Variants in THEMIS observed in about 807,000 individuals in gnomAD.
THEMIS encodes the protein thymocyte selection associated, also known as protein THEMIS.
A neutral mutation model predicts 52.6 loss-of-function variants in THEMIS; 37 were observed. The ratio of observed to expected loss-of-function variants is 0.70; its 90% CI spans 0.54 to 0.93. The LOEUF is 0.93. THEMIS is among the 40% of genes least tolerant of loss of function. THEMIS has a pLI of 0.00. For synonymous variants in THEMIS, 292 were observed against 272.7 expected, an observed-to-expected ratio of 1.07 and a Z score of -0.70; for missense variants, 808 against 763.1, an observed-to-expected ratio of 1.06 and a Z score of -0.69.
chr6:127,806,374 G>A (rs1255660941), intron 4 of THEMIS, among the ~76,000 whole-genome samples: 21 of 152,000 alleles, frequency 1.4e-4, no homozygotes, highest in Admixed American at 9.2e-4. Flanking sequence ...CATATTTGGT[G>A]GTATTTTTGT....
chr6:127,798,985 C>A (rs1351283764), intron 4 of THEMIS, among the ~76,000 whole-genome samples: 4 of 137,624 alleles, frequency 2.9e-5, no homozygotes, highest in African/African-American at 1.1e-4. Flanking sequence ...GAGCGAGACT[C>A]CGTCTCAAAA....
intron 2 of THEMIS, among the ~76,000 whole-genome samples, chr6:127,845,930 C>G (rs768915703): frequency 2.6e-5 from 4 of 151,894 alleles, no homozygotes; most frequent in African/African-American, 9.7e-5. Context: ...GAAAGACCCA[C>G]AAAAGCCCTC....
intron 4 of THEMIS, among the ~76,000 whole-genome samples, chr6:127,738,528 T>C (rs1483290432): frequency 6.6e-6 from 1 of 152,214 alleles, no homozygotes; most frequent in African/African-American, 2.4e-5. Context: ...ACTCCATTGC[T>C]ATTGCCCACA....
chr6:127,760,990 A>G (rs1229171802), intron 4 of THEMIS, among the ~76,000 whole-genome samples: 3 of 152,182 alleles, frequency 2.0e-5, no homozygotes, highest in African/African-American at 4.8e-5. Flanking sequence ...AAAGGAAACA[A>G]TTGACAAAAT....
At chr6:127,754,001 G>T (rs1775735495) in intron 4 of THEMIS, among the ~76,000 whole-genome samples, 1 of 152,060 alleles carries the variant, frequency 6.6e-6, no homozygotes, top group Non-Finnish European at 1.5e-5. Flanking sequence ...CTTAATGGTG[G>T]TGATGGTTTT....
At chr6:127,904,788 G>A (rs1029082057), upstream of THEMIS, among the ~76,000 whole-genome samples, 2 of 151,934 alleles carry the variant, frequency 1.3e-5, no homozygotes, top group African/African-American at 2.4e-5. Flanking sequence ...GAAAAGAACT[G>A]CCATCTATAG....
intron 3 of THEMIS, among the ~76,000 whole-genome samples, chr6:127,823,171 A>T (rs896314887): frequency 6.6e-6 from 1 of 152,116 alleles, no homozygotes; most frequent in African/African-American, 2.4e-5. Context: ...TAGCTGCATG[A>T]TATTTCTATT....
chr6:127,755,997 A>G (rs1288771149), intron 4 of THEMIS, among the ~76,000 whole-genome samples: 1 of 152,090 alleles, frequency 6.6e-6, no homozygotes, highest in African/African-American at 2.4e-5. Flanking sequence ...ACCGCACTCC[A>G]GCCTGGGCCA....
chr6:127,819,601 A>T (rs1444936758), intron 3 of THEMIS, among the ~76,000 whole-genome samples: 1 of 152,204 alleles, frequency 6.6e-6, no homozygotes, highest in East Asian at 1.9e-4. Context: ...TTTTCTTTGG[A>T]AACCATGCAA....
chr6:127,764,439 A>G (rs2114403620), intron 4 of THEMIS, among the ~76,000 whole-genome samples: 1 of 152,120 alleles, frequency 6.6e-6, no homozygotes, highest in South Asian at 2.1e-4. Context: ...AGACTCCTAT[A>G]ATCAATAAGA....
chr6:127,828,852 G>C (rs2114657690), intron 3 of THEMIS, among the ~76,000 whole-genome samples: 1 of 152,190 alleles, frequency 6.6e-6, no homozygotes, highest in Non-Finnish European at 1.5e-5. Context: ...TACTTGGGAG[G>C]CTGAGGCAGG....
intron 2 of THEMIS, among the ~76,000 whole-genome samples, chr6:127,831,541 A>G (rs1315781669): frequency 1.3e-5 from 2 of 152,166 alleles, no homozygotes; most frequent in African/African-American, 2.4e-5. Context: ...AAATTCATCT[A>G]TATATCAAAT....
chr6:127,747,997 A>G (rs1342251041), intron 4 of THEMIS, among the ~76,000 whole-genome samples: 1 of 152,158 alleles, frequency 6.6e-6, no homozygotes, highest in African/African-American at 2.4e-5. Context: ...GAAAATGAAA[A>G]TGGTCTCAAA....
At chr6:127,783,871 C>T (rs1776832764) in intron 4 of THEMIS, among the ~76,000 whole-genome samples, 1 of 152,196 alleles carries the variant, frequency 6.6e-6, no homozygotes, top group Non-Finnish European at 1.5e-5. Flanking sequence ...TTTGACCCAG[C>T]AATCCCATTA....
intron 4 of THEMIS, among the ~76,000 whole-genome samples, chr6:127,766,096 G>C (rs1776189709): frequency 6.6e-6 from 1 of 152,028 alleles, no homozygotes. Flanking sequence ...ACTTTCAATT[G>C]ACAGTATATA....
chr6:127,742,313 T>TAAAAAAAA (rs778252716), intron 4 of THEMIS, among the ~76,000 whole-genome samples: 1 of 121,232 alleles, frequency 8.2e-6, no homozygotes, highest in African/African-American at 3.1e-5. Context: ...AGACTCTGCT[T>TAAAAAAAA]AAAAAAAAAA....
chr6:127,843,830 T>C (rs541589646), intron 2 of THEMIS, among the ~76,000 whole-genome samples: 3 of 152,074 alleles, frequency 2.0e-5, no homozygotes, highest in South Asian at 2.1e-4. Flanking sequence ...GAGAACCCTA[T>C]GGAGAGGACC....
intron 4 of THEMIS, among the ~76,000 whole-genome samples, chr6:127,735,518 G>A (rs1408290323): frequency 2.6e-5 from 4 of 152,164 alleles, no homozygotes; most frequent in African/African-American, 4.8e-5. Context: ...GGGGTTATAT[G>A]TTTGGGATTT....
intron 1 of THEMIS, among the ~76,000 whole-genome samples, chr6:127,880,943 T>C (rs185297925): frequency 6.2e-4 from 94 of 152,270 alleles, no homozygotes; most frequent in Admixed American, 2.7e-3. Context: ...GTTAAAATCT[T>C]AGTTTTAAAA....
Sources: gnomAD v4.1 joint callset for allele counts (sites outside exome capture counted in the v4.1 genomes callset) on GRCh38, gnomAD v4.1.1 for gene constraint, MANE v1.5 for transcripts, NCBI Gene and HGNC (gene_info 2026-07-23, HGNC 2026-07-21) for gene names.